SCG3: variants seen among roughly 807,000 people sequenced by gnomAD.
SCG3 encodes secretogranin III.
A neutral mutation model predicts 56.2 loss-of-function variants in SCG3; 38 were observed. The observed-to-expected ratio is 0.68, with a 90% CI of 0.52 to 0.89. The LOEUF (loss-of-function observed/expected upper bound fraction) is 0.89, where lower values mean the gene tolerates loss of function less well. Among genes scored for constraint, SCG3 ranks in the 40% least tolerant of loss-of-function variants. SCG3 has a pLI of 0.00. For missense variants in SCG3, 524 were observed against 540.7 expected (o/e 0.97, Z 0.31); for synonymous variants, 176 against 184.2 (o/e 0.96, Z 0.36).
chr15:51,709,725 T>TTTTA (rs1567222412), intron 10 of SCG3, among the ~76,000 whole-genome samples: 4 of 57,006 alleles, frequency 7.0e-5, no homozygotes, highest in African/African-American at 2.8e-4. Context: ...TTTTTTTTTT[T>TTTTA]TTTTTTTTTT....
At chr15:51,692,692 A>G (rs1350027504) in intron 7 of SCG3, among the ~76,000 whole-genome samples, 1 of 152,180 alleles carries the variant, frequency 6.6e-6, no homozygotes, top group African/African-American at 2.4e-5. Context: ...GTTCAACCTC[A>G]ACTCTTATTG....
intron 10 of SCG3, among the ~76,000 whole-genome samples, chr15:51,708,864 A>G (rs918126294): frequency 9.2e-5 from 14 of 152,018 alleles, no homozygotes; most frequent in Non-Finnish European, 1.9e-4. Flanking sequence ...ATCTAAAAAA[A>G]AAAAGAAAAC....
At chr15:51,698,668 C>T (rs764972481) in intron 8 of SCG3, among the ~76,000 whole-genome samples, 2 of 152,206 alleles carry the variant, frequency 1.3e-5, no homozygotes, top group Non-Finnish European at 2.9e-5. Context: ...AGGAATTGAC[C>T]TCATCCCATC....
chr15:51,700,118 A>T (rs897472457), intron 9 of SCG3, among the ~76,000 whole-genome samples: 1 of 152,234 alleles, frequency 6.6e-6, no homozygotes, highest in Non-Finnish European at 1.5e-5. Flanking sequence ...CATAGTATAC[A>T]GCCCTTTAAA....
chr15:51,689,176 C>T, intron 5 of SCG3, 43 bp from the exon 6 acceptor site: 2 of 1,582,132 alleles, frequency 1.3e-6, no homozygotes, highest in Non-Finnish European at 1.7e-6. Context: ...AATAACAAGA[C>T]TGGGAATATA....
rs1341914014 is a variant in SCG3 at position 51,701,156 on chromosome 15, A to T, written c.1119A>T (p.Ala373=). 5 of 1,613,986 alleles carry T rather than the reference A, an allele frequency of 3.1e-6. No individual in the cohort carries two copies. Among genetic ancestry groups the T allele is most frequent in the Non-Finnish European group, 4.2e-6 (5 of 1,179,950 alleles). The change falls in exon 10 of 12, where the codon GCA becomes GCT. Residue 373 remains alanine (A), a synonymous_variant. Coordinates refer to ENST00000220478, the MANE Select transcript of SCG3 (RefSeq NM_013243.4). ...AAACAGACAGTACCAAGGAAGAAGC[A>T]GCTAAGATGGAAAAGGAATATGGAA... is the stretch of plus-strand genomic sequence containing the variant. The part of the protein sequence containing the change: ...HEETDSTKEE[A]AKMEKEYGSL...
intron 1 of SCG3, 54 bp from the exon 2 acceptor site, chr15:51,682,463 A>G: frequency 1.1e-6 from 1 of 896,192 alleles, no homozygotes; most frequent in Non-Finnish European, 1.7e-6. Context: ...AATAAGAGGC[A>G]TATTTTGTCC....
chr15:51,699,205 TA>T (rs2055323622), intron 8 of SCG3, 113 bp from the exon 9 acceptor site: 7 of 732,346 alleles, frequency 9.6e-6, no homozygotes, highest in Non-Finnish European at 1.7e-5. Context: ...CCAGGAGTGT[TA>T]ATATTTTGGA....
intron 11 of SCG3, among the ~76,000 whole-genome samples, chr15:51,717,581 G>T (rs2055466407): frequency 1.3e-5 from 2 of 151,812 alleles, no homozygotes; most frequent in Non-Finnish European, 2.9e-5. Context: ...TCAGAGAAAT[G>T]CATTTACTGG....
chr15:51,687,802 C>A (rs1398925567), intron 4 of SCG3, among the ~76,000 whole-genome samples: 4 of 152,178 alleles, frequency 2.6e-5, no homozygotes, highest in African/African-American at 9.7e-5. Context: ...CCTGCCCCTA[C>A]CCCAGGAATT....
rs1395209100 is a variant in SCG3 at position 51,699,388 on chromosome 15, G to T, written c.1055G>T (p.Ser352Ile). ...GAAAAAAATGCTACTGACAATATAA[G>T]CAAGCTTTTCCCAGGTATGATTATT... is the stretch of plus-strand genomic sequence containing the variant. Reference protein sequence around the residue: ...KLEKNATDNISKLFPAPSEKS... With the variant: ...KLEKNATDNIIKLFPAPSEKS... The change falls in exon 9 of 12, where the codon AGC becomes ATC. Residue 352 changes from serine to isoleucine, a missense_variant. Transcript: ENST00000220478. The T allele has an allele frequency of 6.2e-7, 1 of 1,603,394 alleles. No homozygotes were observed. Among genetic ancestry groups the T allele is most frequent in the Non-Finnish European group, 8.5e-7 (1 of 1,174,910 alleles).
In SCG3 at chr15:51,688,357, A is replaced by G. The variant is rs763336972; in HGVS notation, c.495A>G (p.Arg165=). 4.3e-6 allele frequency: 7 copies of G among 1,613,782 alleles called. No individual in the cohort carries two copies. Among genetic ancestry groups the G allele is most frequent in the African/African-American group, 1.3e-5 (1 of 74,918 alleles). ...IAARIYEEND[R]AVFDKIVSKL... Reference sequence around the variant, plus strand: ...CCAGGATTTATGAAGAAAATGACAGAGCCGTGTTTGACAAGATTGTTTCTA... The same window carrying G: ...CCAGGATTTATGAAGAAAATGACAGGGCCGTGTTTGACAAGATTGTTTCTA... The change falls in exon 5 of 12, where the codon AGA becomes AGG. Residue 165 remains arginine (R), a synonymous_variant. Transcript: ENST00000220478.
chr15:51,704,719 A>T (rs964324051), intron 10 of SCG3, among the ~76,000 whole-genome samples: 1 of 137,516 alleles, frequency 7.3e-6, no homozygotes, highest in Non-Finnish European at 1.6e-5. Flanking sequence ...TTATTTGTCT[A>T]TGGACGCTTG....
chr15:51,692,046 G>A (rs1461305942), intron 6 of SCG3, 113 bp from the exon 7 acceptor site: 13 of 990,672 alleles, frequency 1.3e-5, no homozygotes, highest in African/African-American at 3.3e-5. Context: ...GCTTGCAAAC[G>A]AGGGGGAATT....
Position 51,683,266 on chromosome 15 carries a change from C to A in SCG3, c.229C>A (p.Leu77Met). 6.2e-7 allele frequency: 1 copy of A among 1,613,792 alleles called. No homozygotes were observed. Among genetic ancestry groups the A allele is most frequent in the Non-Finnish European group, 8.5e-7 (1 of 1,179,874 alleles). Reference protein sequence around the residue: ...SNYSFVDNLNLLKAITEKEKI... With the variant: ...SNYSFVDNLNMLKAITEKEKI... ...CTATTCTTTTGTTGATAACTTGAAC[C>A]TGCTAAAGGCAATAACAGAAAAGGA... The change falls in exon 4 of 12, where the codon CTG becomes ATG. Residue 77 changes from leucine (L) to methionine (M), a missense_variant. By Grantham distance (15) the Leu-to-Met change is conservative (BLOSUM62 2). Coordinates refer to ENST00000220478, the MANE Select transcript of SCG3 (RefSeq NM_013243.4).
rs377379983 is a variant in SCG3 at position 51,701,177 on chromosome 15, T to C, written c.1140T>C (p.Tyr380=). The part of the protein sequence containing the change: ...KEEAAKMEKE[Y]GSLKDSTKDD... ...AAGCAGCTAAGATGGAAAAGGAATA[T>C]GGAAGCTTGAAGGATTCCACAAAAG... Residue 380 remains tyrosine, a synonymous_variant, in exon 10 of 12, where the codon TAT becomes TAC. Coordinates refer to ENST00000220478, the MANE Select transcript of SCG3 (RefSeq NM_013243.4). 9 of 1,613,304 alleles carry C rather than the reference T, an allele frequency of 5.6e-6. No individual in the cohort carries two copies. In the African/African-American group the frequency reaches 6.7e-5, roughly 12 times the overall value.
At chr15:51,699,181 G>A in intron 8 of SCG3, 138 bp from the exon 9 acceptor site, 1 of 656,310 alleles carries the variant, frequency 1.5e-6, no homozygotes, top group Non-Finnish European at 2.7e-6. Flanking sequence ...TAAAATCCAG[G>A]TCAAAACATC....
At chr15:51,687,300 C>T (rs1298205642) in intron 4 of SCG3, among the ~76,000 whole-genome samples, 1 of 152,174 alleles carries the variant, frequency 6.6e-6, no homozygotes, top group Non-Finnish European at 1.5e-5. Flanking sequence ...AGAGATATCA[C>T]TGGGGCTAAA....
At chr15:51,709,685 ATATATATATATATATATTTTTTTTTT>A (rs2055401448) in intron 10 of SCG3, among the ~76,000 whole-genome samples, 10 of 14,042 alleles carry the variant, frequency 7.1e-4, no homozygotes, top group Non-Finnish European at 1.5e-4. Context: ...ATATATATAT[ATATATATATATATATATTTTTTTTTT>A]TTTTTTTTTT....
Sources: gnomAD v4.1 joint callset for allele counts (sites outside exome capture counted in the v4.1 genomes callset) on GRCh38, gnomAD v4.1.1 for gene constraint, MANE v1.5 for transcripts, NCBI Gene and HGNC (gene_info 2026-07-23, HGNC 2026-07-21) for gene names.